The following CTBP2 variants were observed in gnomAD, a reference collection of about 807,000 sequenced individuals.
CTBP2 encodes C-terminal binding protein 2.
A neutral mutation model predicts 80.3 loss-of-function variants in CTBP2; 30 were observed. That is an observed-to-expected ratio of 0.37 (90% CI 0.28 to 0.51). The LOEUF is 0.51. Ranked by LOEUF, CTBP2 falls within the 20% of genes least tolerant of loss-of-function variation. CTBP2 has a pLI of 0.93. For missense variants in CTBP2, 1,212 were observed against 1,375.3 expected (o/e 0.88, Z 1.88); for synonymous variants, 594 against 587.4 (o/e 1.01, Z -0.16).
chr10:125,088,717 C>T (rs1186003726), intron 2 of CTBP2, among the ~76,000 whole-genome samples: 8 of 152,194 alleles, frequency 5.3e-5, no homozygotes, highest in Non-Finnish European at 1.2e-4. Context: ...CCCTACTCAA[C>T]GCCTAACAAT....
Position 124,997,998 on chromosome 10 carries a change from G to A in CTBP2, c.2151C>T (p.Arg717=). Reference sequence around the variant, plus strand: ...TGAGGCCCAGCGTCTCCCCACGGATGCGGGCCGCTCCCGAGGCCACCTCGC... The same window carrying A: ...TGAGGCCCAGCGTCTCCCCACGGATACGGGCCGCTCCCGAGGCCACCTCGC... The change falls in exon 4 of 9, where the codon CGC becomes CGT. Residue 717 remains arginine (R), a synonymous_variant. Transcript: ENST00000309035. 6.2e-7 allele frequency: 1 copy of A among 1,612,956 alleles called. No individual in the cohort carries two copies. Among genetic ancestry groups the A allele is most frequent in the South Asian group, 1.1e-5 (1 of 91,054 alleles).
At chr10:125,049,046 G>GACACACACAC (rs1178000125) in intron 2 of CTBP2, among the ~76,000 whole-genome samples, 2,006 of 89,574 alleles carry the variant, frequency 0.022, 74 homozygotes, top group East Asian at 0.069. Flanking sequence ...CCTGACCACA[G>GACACACACAC]ACACACACAC....
chr10:125,137,022 C>T (rs1022331298), intron 1 of CTBP2, among the ~76,000 whole-genome samples: 3 of 152,212 alleles, frequency 2.0e-5, no homozygotes, highest in African/African-American at 7.2e-5. Context: ...GACATCACCG[C>T]CGAAAACGAG....
chr10:125,031,481 T>C (rs1433870195), upstream of CTBP2, among the ~76,000 whole-genome samples: 6 of 59,836 alleles, frequency 1.0e-4, no homozygotes, highest in African/African-American at 2.8e-4. Context: ...AGAGCAAGAC[T>C]CCATTTCAAA....
rs529742237 is a variant in CTBP2, at chr10:125,071,976, G to A, written c.-101-32821C>T. Among the ~76,000 whole-genome samples the A allele has an allele frequency of 3.0e-4, 46 of 152,308 alleles. No homozygotes were observed. In the South Asian group the frequency reaches 7.3e-3, roughly 24 times the overall value. ...AGAGGTCAAGACAGGCACTTCCTCT[G>A]GGCTGAGGGTGGCCAGTCTGGGCCC... is the stretch of plus-strand genomic sequence containing the variant. On this transcript the variant is annotated intron_variant, in intron 2 of 10. Transcript: ENST00000337195.
At position 124,985,211 on chromosome 10, in the gene CTBP2, C is replaced by T. The variant is rs1290841996; in HGVS notation, c.*4307G>A. 1 of 457,838 alleles carries T rather than the reference C, an allele frequency of 2.2e-6. No homozygotes were observed. The highest frequency in any genetic ancestry group is 3.9e-6 in the Non-Finnish European group (1 of 259,720). 28.4% of individuals were successfully genotyped at this position (457,838 alleles called of 1,614,324 possible). ...GTTGGACTACAGTTTGTAAAAAAAACTAATTTTATTAAGACAGAACTTTTT... is the reference window on the plus strand; with the variant it reads ...GTTGGACTACAGTTTGTAAAAAAAATTAATTTTATTAAGACAGAACTTTTT... On this transcript the variant is annotated 3_prime_UTR_variant, in exon 9 of 9. Coordinates refer to ENST00000309035, the MANE Select transcript of CTBP2 (RefSeq NM_022802.3).
At chr10:125,010,199 G>T (rs191899201) in intron 1 of CTBP2, among the ~76,000 whole-genome samples, 1 of 129,984 alleles carries the variant, frequency 7.7e-6, no homozygotes, top group African/African-American at 2.9e-5. Context: ...GTGTTGCTAA[G>T]AGTGGCACTA....
intron 2 of CTBP2, among the ~76,000 whole-genome samples, chr10:125,046,131 C>A (rs1961175843): frequency 1.3e-5 from 2 of 152,160 alleles, no homozygotes; most frequent in Non-Finnish European, 2.9e-5. Context: ...ATCTAAATGC[C>A]TGTGCCAGAA....
intron 1 of CTBP2, among the ~76,000 whole-genome samples, chr10:125,015,670 C>T (rs1460411723): frequency 6.6e-6 from 1 of 152,240 alleles, no homozygotes; most frequent in African/African-American, 2.4e-5. Context: ...AGGCGCCTCG[C>T]CCGCCCGCTG....
intron 2 of CTBP2, among the ~76,000 whole-genome samples, chr10:125,081,579 G>A (rs1847177655): frequency 6.6e-6 from 1 of 152,114 alleles, no homozygotes; most frequent in African/African-American, 2.4e-5. Flanking sequence ...ATGTCATTTG[G>A]AGAGGCTAGG....
chr10:125,071,447 A>G (rs1845471475), intron 2 of CTBP2, among the ~76,000 whole-genome samples: 1 of 152,370 alleles, frequency 6.6e-6, no homozygotes, highest in Non-Finnish European at 1.5e-5. Flanking sequence ...CCTGAGCCCA[A>G]GTGGGACAGG....
chr10:125,022,492 G>A (rs1275606290), intron 1 of CTBP2, among the ~76,000 whole-genome samples: 2 of 138,418 alleles, frequency 1.4e-5, no homozygotes, highest in Admixed American at 6.8e-5. Context: ...ACAGGTCAAT[G>A]AGGAAGGAAG....
intron 1 of CTBP2, among the ~76,000 whole-genome samples, chr10:125,154,559 G>C (rs1185207783): frequency 6.6e-6 from 1 of 152,236 alleles, no homozygotes; most frequent in Non-Finnish European, 1.5e-5. Flanking sequence ...TAGGTAAACA[G>C]CTAAAGCAGA....
chr10:124,984,836 G>A lies in CTBP2; in HGVS notation c.*4682C>T. On this transcript the variant is annotated 3_prime_UTR_variant, in exon 9 of 9. Coordinates refer to ENST00000309035, the MANE Select transcript of CTBP2 (RefSeq NM_022802.3). ...AGTGGCTGGACTGCTGTGTGACGGAGGGGGGAGTTCTGGTTGCCATGCAGA... is the reference window on the plus strand; with the variant it reads ...AGTGGCTGGACTGCTGTGTGACGGAAGGGGGAGTTCTGGTTGCCATGCAGA... 1.9e-6 allele frequency: 3 copies of A among 1,614,000 alleles called. No individual in the cohort carries two copies. The highest frequency in any genetic ancestry group is 2.5e-6 in the Non-Finnish European group (3 of 1,179,992).
At chr10:125,005,753 C>T in intron 1 of CTBP2, 1 of 1,612,934 alleles carries the variant, frequency 6.2e-7, no homozygotes, top group Non-Finnish European at 8.5e-7. Context: ...ACTCTTCTGG[C>T]CCCTACTTGA....
chr10:125,128,304 C>A (rs1855593412), intron 1 of CTBP2, among the ~76,000 whole-genome samples: 1 of 152,194 alleles, frequency 6.6e-6, no homozygotes, highest in Non-Finnish European at 1.5e-5. Context: ...ACCAGGAACA[C>A]ACCAGGTACC....
intron 1 of CTBP2, among the ~76,000 whole-genome samples, chr10:125,019,860 A>G (rs1308419577): frequency 6.6e-6 from 1 of 152,168 alleles, no homozygotes; most frequent in Non-Finnish European, 1.5e-5. Context: ...CAACCACAGA[A>G]TGGGGGAGAA....
At chr10:125,087,315 G>A (rs1367390809) in intron 2 of CTBP2, among the ~76,000 whole-genome samples, 2 of 151,830 alleles carry the variant, frequency 1.3e-5, no homozygotes, top group Non-Finnish European at 2.9e-5. Flanking sequence ...CAGGTGATTC[G>A]CCCACCTCCA....
chr10:125,030,053 G>T (rs1352831079), upstream of CTBP2, among the ~76,000 whole-genome samples: 2 of 152,078 alleles, frequency 1.3e-5, no homozygotes, highest in Non-Finnish European at 1.5e-5. Context: ...TTGGCTCTGA[G>T]ATTTGACAAA....
Sources: allele counts gnomAD v4.1 joint callset (sites outside exome capture counted in the v4.1 genomes callset), GRCh38; gene constraint gnomAD v4.1.1; transcripts MANE v1.5; gene names NCBI Gene and HGNC (gene_info 2026-07-23, HGNC 2026-07-21).